Variants in FHIT observed in about 807,000 individuals in gnomAD.
FHIT encodes bis(5'-adenosyl)-triphosphatase.
In FHIT, 19 loss-of-function variants were observed where a neutral mutation model predicts 17.9. The ratio of observed to expected loss-of-function variants is 1.06; its 90% CI spans 0.74 to 1.56. FHIT has a LOEUF of 1.56. Ranked by LOEUF, FHIT falls within the 40% of genes most tolerant of loss-of-function variation. FHIT has a pLI of 0.00. For synonymous variants in FHIT, 81 were observed against 69.7 expected (o/e 1.16, Z -0.81); for missense variants, 248 against 189.2 (o/e 1.31, Z -1.82).
At chr3:59,792,008 C>T (rs1203402297) in intron 8 of FHIT, among the ~76,000 whole-genome samples, 1 of 68,762 alleles carries the variant, frequency 1.5e-5, no homozygotes, top group Non-Finnish European at 3.7e-5. Context: ...TAGTCTATGT[C>T]TTGGTTTTAA....
At chr3:60,000,032 T>C (rs190774500) in intron 7 of FHIT, among the ~76,000 whole-genome samples, 15 of 152,326 alleles carry the variant, frequency 9.8e-5, no homozygotes. Context: ...AGCATCTGTT[T>C]TGCTCTGAGG....
intron 8 of FHIT, among the ~76,000 whole-genome samples, chr3:59,880,675 C>A (rs1274815305): frequency 6.6e-6 from 1 of 152,120 alleles, no homozygotes; most frequent in South Asian, 2.1e-4. Flanking sequence ...ATCACTTTAT[C>A]AATGTAAAGA....
chr3:60,480,205 C>A (rs574336819), intron 5 of FHIT, among the ~76,000 whole-genome samples: 2 of 152,190 alleles, frequency 1.3e-5, no homozygotes, highest in South Asian at 2.1e-4. Context: ...TATCAAATAA[C>A]CACATCTCAT....
intron 4 of FHIT, among the ~76,000 whole-genome samples, chr3:60,764,030 T>TGA (rs1699758390): frequency 1.3e-5 from 2 of 152,172 alleles, no homozygotes; most frequent in South Asian, 2.1e-4. Context: ...GTGAAAGAAC[T>TGA]GAGCCCTAGA....
At chr3:60,782,351 C>T (rs1483547291) in intron 4 of FHIT, among the ~76,000 whole-genome samples, 4 of 151,860 alleles carry the variant, frequency 2.6e-5, no homozygotes, top group African/African-American at 7.3e-5. Flanking sequence ...AAAGGGGAAC[C>T]CTTGTTCACT....
At chr3:60,516,185 T>C (rs985407109) in intron 5 of FHIT, among the ~76,000 whole-genome samples, 4 of 152,228 alleles carry the variant, frequency 2.6e-5, no homozygotes, top group South Asian at 2.1e-4. Context: ...TATTTGCTGA[T>C]ATTTAATTCC....
intron 7 of FHIT, among the ~76,000 whole-genome samples, chr3:59,943,009 A>G (rs1706607629): frequency 6.6e-6 from 1 of 152,118 alleles, no homozygotes; most frequent in South Asian, 2.1e-4. Context: ...TAGTTCAGCT[A>G]GTTTCAACCA....
intron 7 of FHIT, among the ~76,000 whole-genome samples, chr3:59,930,013 G>C (rs1270265949): frequency 6.6e-6 from 1 of 152,162 alleles, no homozygotes; most frequent in Admixed American, 6.5e-5. Context: ...GTGTGATCAA[G>C]TGAGTTATTA....
At chr3:60,826,369 C>G (rs1702123113) in intron 3 of FHIT, among the ~76,000 whole-genome samples, 1 of 151,986 alleles carries the variant, frequency 6.6e-6, no homozygotes, top group South Asian at 2.1e-4. Context: ...ACTTGTTGCC[C>G]AGGCTGAAGT....
intron 1 of FHIT, among the ~76,000 whole-genome samples, chr3:61,209,695 T>C (rs1421392174): frequency 6.6e-6 from 1 of 152,218 alleles, no homozygotes; most frequent in Non-Finnish European, 1.5e-5. Flanking sequence ...GCATTGGTTA[T>C]TCTAGTTAGC....
intron 5 of FHIT, among the ~76,000 whole-genome samples, chr3:60,089,089 C>T (rs1171955381): frequency 6.6e-6 from 1 of 152,152 alleles, no homozygotes; most frequent in Non-Finnish European, 1.5e-5. Flanking sequence ...GACATAGTCT[C>T]TTGTTTGGTG....
chr3:60,597,311 C>T (rs115898967), intron 4 of FHIT, among the ~76,000 whole-genome samples: 145 of 152,164 alleles, frequency 9.5e-4, no homozygotes, highest in African/African-American at 3.4e-3. Flanking sequence ...TGTTTTACAG[C>T]AGCTAACAAG....
At chr3:60,452,590 G>C (rs1486214645) in intron 5 of FHIT, among the ~76,000 whole-genome samples, 3 of 152,124 alleles carry the variant, frequency 2.0e-5, no homozygotes, top group Non-Finnish European at 4.4e-5. Context: ...ATCAATCTTT[G>C]AATGTCAATG....
At chr3:60,942,646 A>C (rs1480497304) in intron 3 of FHIT, among the ~76,000 whole-genome samples, 5 of 152,092 alleles carry the variant, frequency 3.3e-5, no homozygotes. Context: ...TCTTTAAAAT[A>C]ATCATTTTTT....
At chr3:60,189,272 T>C (rs1702295912) in intron 5 of FHIT, among the ~76,000 whole-genome samples, 1 of 152,134 alleles carries the variant, frequency 6.6e-6, no homozygotes, top group Non-Finnish European at 1.5e-5. Context: ...AAAGAAAAGC[T>C]TGTATTCTCT....
intron 5 of FHIT, among the ~76,000 whole-genome samples, chr3:60,174,099 A>T (rs1237879861): frequency 6.6e-6 from 1 of 150,566 alleles, no homozygotes. Context: ...TTTTTAGTAG[A>T]GACAGTTTCA....
chr3:60,745,175 A>G (rs1320673089), intron 4 of FHIT, among the ~76,000 whole-genome samples: 1 of 152,212 alleles, frequency 6.6e-6, no homozygotes, highest in Non-Finnish European at 1.5e-5. Flanking sequence ...AAAGGTGTAT[A>G]AGAAGTATTT....
At chr3:60,290,336 G>A (rs762133362) in intron 5 of FHIT, among the ~76,000 whole-genome samples, 2 of 152,144 alleles carry the variant, frequency 1.3e-5, no homozygotes, top group African/African-American at 2.4e-5. Flanking sequence ...GCTGGACCTA[G>A]TTATTTCCTT....
intron 4 of FHIT, among the ~76,000 whole-genome samples, chr3:60,668,551 AT>A (rs1338016986): frequency 7.2e-5 from 7 of 97,810 alleles, no homozygotes; most frequent in Non-Finnish European, 1.3e-4. Context: ...AGGCCAGCTC[AT>A]TCTTTTTTTT....
Sources: gnomAD v4.1 joint callset for allele counts (sites outside exome capture counted in the v4.1 genomes callset) on GRCh38, gnomAD v4.1.1 for gene constraint, MANE v1.5 for transcripts, NCBI Gene and HGNC (gene_info 2026-07-23, HGNC 2026-07-21) for gene names.